SYNC: variants seen among roughly 807,000 people sequenced by gnomAD.
The protein encoded by SYNC is syncoilin, intermediate filament protein.
In SYNC, 38 loss-of-function variants were observed where a neutral mutation model predicts 49.5. The ratio of observed to expected loss-of-function variants is 0.77; its 90% CI spans 0.59 to 1.01. The LOEUF (loss-of-function observed/expected upper bound fraction) is 1.01, where lower values mean the gene tolerates loss of function less well. SYNC is among the 50% of genes least tolerant of loss of function. The probability of loss-of-function intolerance (pLI) is 0.00; values close to 1 mark genes in which losing one functional copy is unlikely to be tolerated. For synonymous variants in SYNC, 201 were observed against 230.8 expected, an observed-to-expected ratio of 0.87 and a Z score of 1.17; for missense variants, 579 against 580.6, an observed-to-expected ratio of 1.00 and a Z score of 0.03.
At chr1:32,687,405 G>A (rs1429866558) in intron 2 of SYNC, among the ~76,000 whole-genome samples, 2 of 149,004 alleles carry the variant, frequency 1.3e-5, no homozygotes, top group East Asian at 2.0e-4. Context: ...GGCCAGGCAC[G>A]GTGGTTCACG....
chr1:32,687,637 A>C (rs1570904163), intron 2 of SYNC, among the ~76,000 whole-genome samples: 1 of 149,128 alleles, frequency 6.7e-6, no homozygotes, highest in Non-Finnish European at 1.5e-5. Flanking sequence ...GCGCCACTGC[A>C]CTCCAGCCTG....
At position 32,681,803 on chromosome 1, in the gene SYNC, TAAG is replaced by T; in HGVS notation, c.*44_*46del. 1 of 1,614,188 alleles carries T rather than the reference TAAG, an allele frequency of 6.2e-7. No homozygotes were observed. The highest frequency in any genetic ancestry group is 8.5e-7 in the Non-Finnish European group (1 of 1,180,008). ...CAAAGGGTACTTAGTGATCCTTTGC[TAAG>T]AAGTTTTTTGCTGTTTCCGGGTTAC... is the stretch of plus-strand genomic sequence containing the variant. On this transcript the variant is annotated 3_prime_UTR_variant, in exon 5 of 5. Coordinates refer to ENST00000409190, the MANE Select transcript of SYNC (RefSeq NM_030786.3).
rs1473496103 is a variant in SYNC, at chr1:32,695,675, C to T, written c.423G>A (p.Glu141=). ...TSPEHVVYEG[E]TVTRAEKSNP... ...TAGATTTCTCCGCCCTTGTGACTGT[C>T]TCTCCCTCATAAACAACGTGCTCTG... The change falls in exon 2 of 5, where the codon GAG becomes GAA. Residue 141 remains glutamate (E), a synonymous_variant. Transcript: ENST00000409190. 3.2e-6 allele frequency: 5 copies of T among 1,551,450 alleles called. No individual in the cohort carries two copies. Among genetic ancestry groups the T allele is most frequent in the Non-Finnish European group, 4.4e-6 (5 of 1,147,004 alleles).
At chr1:32,684,167 G>C (rs1159029713) in intron 3 of SYNC, 78 bp from the exon 4 acceptor site, 1 of 1,603,778 alleles carries the variant, frequency 6.2e-7, no homozygotes. Flanking sequence ...TCCTCTTTTT[G>C]TTTTTGATTC....
chr1:32,702,531 G>A lies in SYNC; in HGVS notation c.53+77C>T. 1.7e-6 allele frequency: 2 copies of A among 1,190,210 alleles called. No homozygotes were observed. Among genetic ancestry groups the A allele is most frequent in the Non-Finnish European group, 2.1e-6 (2 of 956,680 alleles). The allele number at this position is 1,190,210 out of a possible 1,614,324, so 73.7% of individuals were successfully genotyped here. A position where few individuals can be genotyped will look rare whatever the true frequency, so the allele number is the denominator to read the frequency against. On this transcript the variant is annotated intron_variant, in intron 1 of 4. Coordinates refer to ENST00000409190, the MANE Select transcript of SYNC (RefSeq NM_030786.3). The surrounding 1 kb of genome is among the most constrained non-coding windows in gnomAD (Gnocchi z 6.2). ...CCCTAGACAGGCGAAAGACGCCCGC[G>A]GTCGGGGGGAAAGGGAACCCGTCCA...
chr1:32,697,208 G>C (rs972680498), intron 1 of SYNC, among the ~76,000 whole-genome samples: 1 of 149,864 alleles, frequency 6.7e-6, no homozygotes, highest in African/African-American at 2.5e-5. Flanking sequence ...TTGGGAGGCC[G>C]AATCAGGCGG....
At position 32,681,593 on chromosome 1, in the gene SYNC, C is replaced by T; in HGVS notation, c.*257G>A. 1.7e-6 allele frequency: 1 copy of T among 582,514 alleles called. No individual in the cohort carries two copies. The highest frequency in any genetic ancestry group is 2.9e-5 in the East Asian group (1 of 34,722). The allele number at this position is 582,514 out of a possible 1,614,324, so 36.1% of individuals were successfully genotyped here. A position where few individuals can be genotyped will look rare whatever the true frequency, so the allele number is the denominator to read the frequency against. The stretch of plus-strand genomic sequence containing the variant: ...GCTGGAAGACAGGAGGCTCATCTTT[C>T]CTTTCCTTGGTGCATTGAGATCAGT... On this transcript the variant is annotated 3_prime_UTR_variant, in exon 5 of 5. Transcript: ENST00000409190.
intron 2 of SYNC, among the ~76,000 whole-genome samples, chr1:32,689,665 G>C (rs977105062): frequency 1.3e-5 from 2 of 151,994 alleles, no homozygotes; most frequent in Non-Finnish European, 2.9e-5. Flanking sequence ...CTGATGGGCC[G>C]GGCGTGGTGG....
At chr1:32,688,770 A>G (rs1369424119) in intron 2 of SYNC, among the ~76,000 whole-genome samples, 2 of 151,250 alleles carry the variant, frequency 1.3e-5, no homozygotes, top group Non-Finnish European at 2.9e-5. Flanking sequence ...TTTTAGCGAG[A>G]CAGGGTTTCA....
chr1:32,688,313 A>G (rs1233757036), intron 2 of SYNC, among the ~76,000 whole-genome samples: 1 of 152,108 alleles, frequency 6.6e-6, no homozygotes, highest in Non-Finnish European at 1.5e-5. Flanking sequence ...CCTAACTCAT[A>G]GAGATGTAAG....
In SYNC at chr1:32,695,800, G is replaced by T. The variant is rs1488914748; in HGVS notation, c.298C>A (p.Pro100Thr). The T allele has an allele frequency of 2.6e-6, 4 of 1,551,616 alleles. No individual in the cohort carries two copies. The highest frequency in any genetic ancestry group is 3.5e-6 in the Non-Finnish European group (4 of 1,147,004). The change falls in exon 2 of 5, where the codon CCT becomes ACT. Residue 100 changes from proline (P) to threonine (T), a missense_variant. Transcript: ENST00000409190. ...QPDEALHVEE[P>T]GNPEETVCVE... ...CACACTGTCTCCTCTGGATTCCCAG[G>T]CTCCTCCACATGCAGAGCCTCATCT...
chr1:32,688,831 T>C (rs1650019729), intron 2 of SYNC, among the ~76,000 whole-genome samples: 2 of 152,014 alleles, frequency 1.3e-5, no homozygotes, highest in African/African-American at 4.8e-5. Context: ...TCCACTCGCC[T>C]CTGCCTCCCA....
intron 1 of SYNC, among the ~76,000 whole-genome samples, chr1:32,698,810 T>G (rs1441270965): frequency 1.3e-5 from 2 of 150,414 alleles, no homozygotes; most frequent in East Asian, 3.9e-4. Context: ...AGATGGAGTC[T>G]CCCTCTGTCG....
chr1:32,701,166 C>T (rs112661110), intron 1 of SYNC, among the ~76,000 whole-genome samples: 3 of 152,224 alleles, frequency 2.0e-5, no homozygotes, highest in Admixed American at 6.5e-5. Context: ...CCGCACACCT[C>T]GGCGTCCCAA....
At chr1:32,688,798 G>T (rs1197817420) in intron 2 of SYNC, among the ~76,000 whole-genome samples, 1 of 151,746 alleles carries the variant, frequency 6.6e-6, no homozygotes, top group Non-Finnish European at 1.5e-5. Context: ...AGCCAGGATG[G>T]TCTCGATCTC....
rs1317050668 is a variant in SYNC at position 32,702,610 on chromosome 1, C to G, written c.51G>C (p.Ala17=). The G allele has an allele frequency of 8.2e-6, 10 of 1,216,022 alleles. No individual in the cohort carries two copies. Among genetic ancestry groups the G allele is most frequent in the Non-Finnish European group, 1.0e-5 (10 of 978,284 alleles). 75.3% of individuals were successfully genotyped at this position (1,216,022 alleles called of 1,614,324 possible). The change falls in exon 1 of 5, where the codon GCG becomes GCC. Residue 17 remains alanine (A), a splice_region_variant and synonymous_variant. Coordinates refer to ENST00000409190, the MANE Select transcript of SYNC (RefSeq NM_030786.3). This position sits in a 1 kb window ranked among gnomAD's most constrained non-coding sequence, Gnocchi z 6.2. ...RRGGDGAAQA[A]RKTRVEANSP... ...ACGCGGGCCCGGCACTGTCCTACCT[C>G]GCGGCCTGGGCGGCGCCGTCCCCGC...
chr1:32,683,879 C>T, intron 4 of SYNC, 131 bp downstream of exon 4: 1 of 821,190 alleles, frequency 1.2e-6, no homozygotes, highest in Non-Finnish European at 1.9e-6. Flanking sequence ...GTGATCCACC[C>T]TCCTCAGCCT....
At chr1:32,699,437 G>A (rs1650582798) in intron 1 of SYNC, among the ~76,000 whole-genome samples, 3 of 151,544 alleles carry the variant, frequency 2.0e-5, no homozygotes, top group African/African-American at 7.3e-5. Flanking sequence ...TTACAGGCAC[G>A]AGTCACTGCG....
intron 2 of SYNC, among the ~76,000 whole-genome samples, chr1:32,687,861 A>ATTATTATTAATTT (rs1280120903): frequency 2.0e-5 from 3 of 146,448 alleles, no homozygotes; most frequent in African/African-American, 7.6e-5. Context: ...TATTATTATT[A>ATTATTATTAATTT]TTTTTTGAGA....
Sources: gnomAD v4.1 joint callset for allele counts (sites outside exome capture counted in the v4.1 genomes callset) on GRCh38, gnomAD v4.1.1 for gene constraint, Gnocchi (gnomAD v3.1) non-coding constraint, MANE v1.5 for transcripts, NCBI Gene and HGNC (gene_info 2026-07-23, HGNC 2026-07-21) for gene names.